The following CDH4 variants were observed in gnomAD, a reference collection of about 807,000 sequenced individuals.
CDH4 encodes cadherin-4.
A neutral mutation model predicts 86.0 loss-of-function variants in CDH4; 33 were observed. The observed-to-expected ratio is 0.38, with a 90% CI of 0.29 to 0.51. The LOEUF is 0.51. CDH4 is among the 20% of genes least tolerant of loss of function. CDH4 has a pLI of 0.86. For missense variants in CDH4, 1,114 were observed against 1,307.4 expected (o/e 0.85, Z 2.28); for synonymous variants, 555 against 549.4 (o/e 1.01, Z -0.14).
intron 13 of CDH4, 150 bp from the exon 14 acceptor site, chr20:61,932,835 G>A (rs933794218): frequency 1.4e-5 from 14 of 1,028,638 alleles, no homozygotes; most frequent in African/African-American, 4.8e-5. Flanking sequence ...AGACATGCGC[G>A]TGTGCAGTAC....
At position 61,846,299 on chromosome 20, in the gene CDH4, C is replaced by T. The variant is rs568993398; in HGVS notation, c.732+1476C>T. Among the ~76,000 whole-genome samples, 272 of 152,332 alleles carry T rather than the reference C, an allele frequency of 1.8e-3. 1 individual carries two copies. Among genetic ancestry groups the T allele is most frequent in the Non-Finnish European group, 2.5e-3 (168 of 68,026 alleles). On this transcript the variant is annotated intron_variant, in intron 5 of 15. Coordinates refer to ENST00000614565, the MANE Select transcript of CDH4 (RefSeq NM_001794.5). ...GTGTGCTGGGCCCCCCAGGAGTGGC[C>T]GAGGCAGAACCACAGAACCAACCAG...
chr20:61,738,326 T>A (rs1486346962), intron 2 of CDH4: 2 of 152,118 alleles, frequency 1.3e-5, no homozygotes, highest in Non-Finnish European at 2.9e-5. Context: ...CGGCTGTGGG[T>A]ACCAGGCACC....
chr20:61,549,516 C>G (rs980024620), intron 2 of CDH4, among the ~76,000 whole-genome samples: 1 of 152,206 alleles, frequency 6.6e-6, no homozygotes, highest in Admixed American at 6.5e-5. Flanking sequence ...TAAGGGAGAG[C>G]TCTGGCCATG....
At chr20:61,589,263 T>TA (rs2086500272) in intron 2 of CDH4, among the ~76,000 whole-genome samples, 1 of 152,178 alleles carries the variant, frequency 6.6e-6, no homozygotes, top group African/African-American at 2.4e-5. Context: ...AGCATTTGTT[T>TA]AAAAAACACG....
At chr20:61,677,773 AGAT>A (rs957849287) in intron 2 of CDH4, among the ~76,000 whole-genome samples, 34 of 88,938 alleles carry the variant, frequency 3.8e-4, no homozygotes, top group African/African-American at 1.2e-3. Flanking sequence ...ATGGTTAGAT[AGAT>A]GATGAATGGA....
intron 2 of CDH4, among the ~76,000 whole-genome samples, chr20:61,399,226 G>A (rs1385341234): frequency 1.7e-5 from 1 of 57,570 alleles, no homozygotes; most frequent in Non-Finnish European, 3.2e-5. Context: ...TCCGCTTCCC[G>A]GGTTCACGCC....
intron 3 of CDH4, among the ~76,000 whole-genome samples, chr20:61,748,942 A>T (rs914296417): frequency 5.6e-5 from 4 of 71,346 alleles, no homozygotes; most frequent in East Asian, 2.8e-4. Context: ...GTTGTAATTT[A>T]AAAAATTGAT....
At chr20:61,511,913 A>G (rs977932545) in intron 2 of CDH4, among the ~76,000 whole-genome samples, 1 of 152,164 alleles carries the variant, frequency 6.6e-6, no homozygotes, top group Admixed American at 6.5e-5. Flanking sequence ...AAATTCTTAC[A>G]TTCCTGATAA....
rs1269218417 is a variant in CDH4 at position 61,923,585 on chromosome 20, G to A, written c.1509G>A (p.Glu503=). Residue 503 remains glutamate (E), a synonymous_variant, in exon 10 of 16, where the codon GAG becomes GAA. Coordinates refer to ENST00000614565, the MANE Select transcript of CDH4 (RefSeq NM_001794.5). ...CCATCTCCATCATGGACATCAACGA[G>A]GCTCCCTACTTCCCCTCAAACCACA... is the stretch of plus-strand genomic sequence containing the variant. ...GVTISIMDIN[E]APYFPSNHKL... is the part of the protein sequence containing the mutation. The A allele has an allele frequency of 3.1e-6, 5 of 1,614,040 alleles. No individual in the cohort carries two copies. Among genetic ancestry groups the A allele is most frequent in the Admixed American group, 1.7e-5 (1 of 60,000 alleles).
chr20:61,753,017 T>G (rs2088518626), intron 3 of CDH4, among the ~76,000 whole-genome samples: 1 of 152,194 alleles, frequency 6.6e-6, no homozygotes, highest in Non-Finnish European at 1.5e-5. Flanking sequence ...AATTTAATTT[T>G]TTTAAACAAA....
At position 61,641,201 on chromosome 20, in the gene CDH4, C is replaced by T. The variant is rs529571154; in HGVS notation, c.170-102362C>T. ...GCACAGGGTCTGGGGAGAGGAAAGCCTCGATGTAGCTATGTGCCAGTGATT... is the reference window on the plus strand; with the variant it reads ...GCACAGGGTCTGGGGAGAGGAAAGCTTCGATGTAGCTATGTGCCAGTGATT... On this transcript the variant is annotated intron_variant, in intron 2 of 15. Transcript: ENST00000614565. Among the ~76,000 whole-genome samples the T allele has an allele frequency of 9.8e-5, 15 of 152,316 alleles. No individual in the cohort carries two copies. In the South Asian group the frequency reaches 3.1e-3, roughly 32 times the overall value.
At chr20:61,253,750 G>A (rs1226598505) in intron 1 of CDH4, among the ~76,000 whole-genome samples, 1 of 152,174 alleles carries the variant, frequency 6.6e-6, no homozygotes, top group South Asian at 2.1e-4. Flanking sequence ...GGCGCCCTCC[G>A]CGGTGCCGGC....
intron 4 of CDH4, among the ~76,000 whole-genome samples, chr20:61,839,778 T>C (rs111212447): frequency 0.018 from 2,749 of 152,104 alleles, 72 homozygotes; most frequent in African/African-American, 0.06. Flanking sequence ...GTTGTGTGTG[T>C]ACATGTATGT....
At chr20:61,266,114 C>T (rs991213467) in intron 2 of CDH4, among the ~76,000 whole-genome samples, 10 of 152,158 alleles carry the variant, frequency 6.6e-5, no homozygotes, top group African/African-American at 1.9e-4. Flanking sequence ...ATCCACAGGG[C>T]CCCAGAGTGC....
intron 2 of CDH4, among the ~76,000 whole-genome samples, chr20:61,599,132 C>CGT (rs2086578833): frequency 6.6e-6 from 1 of 152,168 alleles, no homozygotes; most frequent in African/African-American, 2.4e-5. Context: ...GTTGGTGGAT[C>CGT]TCCCACCATG....
At chr20:61,581,433 G>A (rs1318596508) in intron 2 of CDH4, among the ~76,000 whole-genome samples, 1 of 152,124 alleles carries the variant, frequency 6.6e-6, no homozygotes, top group East Asian at 1.9e-4. Context: ...TCCAGCTTCT[G>A]GAGACGTGTT....
intron 2 of CDH4, among the ~76,000 whole-genome samples, chr20:61,328,030 A>G (rs926430839): frequency 2.0e-5 from 3 of 152,200 alleles, no homozygotes; most frequent in Non-Finnish European, 4.4e-5. Flanking sequence ...TTGTGCTTAT[A>G]TGTGTTTGTA....
chr20:61,462,675 C>A (rs1028215487), intron 2 of CDH4, among the ~76,000 whole-genome samples: 1 of 152,224 alleles, frequency 6.6e-6, no homozygotes, highest in South Asian at 2.1e-4. Flanking sequence ...GGGCTCCCCC[C>A]TCTCCCTCCT....
intron 2 of CDH4, among the ~76,000 whole-genome samples, chr20:61,522,050 G>A (rs2085873217): frequency 6.6e-6 from 1 of 152,262 alleles, no homozygotes; most frequent in Non-Finnish European, 1.5e-5. Context: ...GAGTGAAGCT[G>A]TGTCCCGTCT....
Sources: allele counts gnomAD v4.1 joint callset (sites outside exome capture counted in the v4.1 genomes callset), GRCh38; gene constraint gnomAD v4.1.1; transcripts MANE v1.5; gene names NCBI Gene and HGNC (gene_info 2026-07-23, HGNC 2026-07-21).